The following PPARGC1A variants were observed in gnomAD, a reference collection of about 807,000 sequenced individuals.
PPARGC1A encodes peroxisome proliferator-activated receptor gamma coactivator 1-alpha.
Under a neutral mutation model 88.7 loss-of-function variants are expected in PPARGC1A, and 25 were observed. The ratio of observed to expected loss-of-function variants is 0.28; its 90% CI spans 0.21 to 0.39. The LOEUF is 0.39. PPARGC1A is among the 10% of genes least tolerant of loss of function. The pLI is 1.00. For synonymous variants in PPARGC1A, 363 were observed against 355.6 expected (o/e 1.02, Z -0.24); for missense variants, 880 against 968.7 (o/e 0.91, Z 1.22).
chr4:23,996,884 C>G, the PPARGC1A span, among the ~76,000 whole-genome samples: 1 of 152,178 alleles, frequency 6.6e-6, no homozygotes, highest in African/African-American at 2.4e-5. Context: ...TTTGCCAACA[C>G]CCAGTCTAGG....
chr4:23,912,007 A>G, the PPARGC1A span, among the ~76,000 whole-genome samples: 1 of 152,204 alleles, frequency 6.6e-6, no homozygotes, highest in African/African-American at 2.4e-5. Context: ...TAATTGCAAA[A>G]TGGAAAGCTT....
chr4:24,138,118 A>C, the PPARGC1A span, among the ~76,000 whole-genome samples: 1 of 152,190 alleles, frequency 6.6e-6, no homozygotes, highest in African/African-American at 2.4e-5. Context: ...CTGTGTGCTC[A>C]CCAGATTAAA....
intron 10 of PPARGC1A, among the ~76,000 whole-genome samples, chr4:23,808,417 G>C (rs548320211): frequency 1.3e-5 from 2 of 152,158 alleles, no homozygotes; most frequent in South Asian, 4.2e-4. Context: ...TCTAGTTTTG[G>C]TTTTGAGTGC....
At chr4:24,187,881 C>A in the PPARGC1A span, among the ~76,000 whole-genome samples, 1 of 152,008 alleles carries the variant, frequency 6.6e-6, no homozygotes, top group Non-Finnish European at 1.5e-5. Flanking sequence ...GTCCCTTGAA[C>A]GAGAATAACA....
At chr4:24,238,745 A>ATGTGTATG in the PPARGC1A span, among the ~76,000 whole-genome samples, 3 of 121,808 alleles carry the variant, frequency 2.5e-5, no homozygotes, top group Non-Finnish European at 5.4e-5. Flanking sequence ...AAGGTTGTAT[A>ATGTGTATG]TGTGTGTGTG....
chr4:23,868,819 C>T (rs749877781), intron 2 of PPARGC1A, among the ~76,000 whole-genome samples: 6 of 152,170 alleles, frequency 3.9e-5, no homozygotes, highest in African/African-American at 1.2e-4. Flanking sequence ...GTGACAATAC[C>T]GTTTATGGAA....
the PPARGC1A span, among the ~76,000 whole-genome samples, chr4:24,206,004 A>G: frequency 2.0e-5 from 3 of 152,222 alleles, no homozygotes; most frequent in Admixed American, 6.5e-5. Flanking sequence ...GATCCTTTTC[A>G]TGGCTGAAGG....
the PPARGC1A span, among the ~76,000 whole-genome samples, chr4:24,042,226 A>T: frequency 6.6e-6 from 1 of 152,318 alleles, no homozygotes; most frequent in Non-Finnish European, 1.5e-5. Flanking sequence ...GCCAATATGT[A>T]TTCAGCTGTT....
intron 2 of PPARGC1A, among the ~76,000 whole-genome samples, chr4:23,866,512 G>A (rs1208811019): frequency 1.3e-5 from 2 of 152,162 alleles, no homozygotes; most frequent in African/African-American, 4.8e-5. Flanking sequence ...ACACAAGATA[G>A]GCCGAACATT....
chr4:23,908,776 T>C (rs1339821166), upstream of PPARGC1A, among the ~76,000 whole-genome samples: 2 of 152,188 alleles, frequency 1.3e-5, no homozygotes, highest in South Asian at 4.1e-4. Flanking sequence ...GTCCAATAAC[T>C]ACCTTAGCTC....
chr4:23,912,368 T>A, the PPARGC1A span, among the ~76,000 whole-genome samples: 3 of 152,142 alleles, frequency 2.0e-5, no homozygotes, highest in African/African-American at 7.2e-5. Flanking sequence ...ACCATGCCTA[T>A]ATCTTAGGGT....
At chr4:23,937,959 A>AC in the PPARGC1A span, among the ~76,000 whole-genome samples, 1 of 152,266 alleles carries the variant, frequency 6.6e-6, no homozygotes, top group African/African-American at 2.4e-5. Context: ...TCTCAATAGG[A>AC]CTTTGCAAAG....
chr4:24,163,748 C>A, the PPARGC1A span, among the ~76,000 whole-genome samples: 47 of 152,294 alleles, frequency 3.1e-4, no homozygotes, highest in African/African-American at 9.9e-4. Context: ...ACTTACAGAT[C>A]AAAGCTAAAT....
At chr4:24,263,492 A>G in the PPARGC1A span, among the ~76,000 whole-genome samples, 2 of 143,690 alleles carry the variant, frequency 1.4e-5, no homozygotes, top group Non-Finnish European at 3.0e-5. Flanking sequence ...CACAGAGTTG[A>G]CCCTTTAACA....
the PPARGC1A span, among the ~76,000 whole-genome samples, chr4:24,162,519 T>C: frequency 6.6e-6 from 1 of 151,944 alleles, no homozygotes; most frequent in Admixed American, 6.6e-5. Flanking sequence ...TTGGCTATAT[T>C]GAAGAATCTT....
chr4:24,391,884 G>A, the PPARGC1A span, among the ~76,000 whole-genome samples: 4 of 152,056 alleles, frequency 2.6e-5, no homozygotes, highest in African/African-American at 7.2e-5. Flanking sequence ...TGCTTTCAAT[G>A]AACTCCGAAA....
chr4:23,849,068 C>T (rs560037916), intron 2 of PPARGC1A, among the ~76,000 whole-genome samples: 1 of 152,040 alleles, frequency 6.6e-6, no homozygotes, highest in Non-Finnish European at 1.5e-5. Flanking sequence ...GGCATGAACC[C>T]GGGAGGCAGA....
the PPARGC1A span, among the ~76,000 whole-genome samples, chr4:24,462,635 G>A: frequency 6.6e-6 from 1 of 151,716 alleles, no homozygotes; most frequent in African/African-American, 2.4e-5. Flanking sequence ...ATTTGATGAT[G>A]AAATGAGTGA....
the PPARGC1A span, among the ~76,000 whole-genome samples, chr4:23,935,943 G>A: frequency 6.6e-6 from 1 of 151,694 alleles, no homozygotes; most frequent in Non-Finnish European, 1.5e-5. Flanking sequence ...GCCTATACAT[G>A]TATTTTTTTC....
Sources: allele counts gnomAD v4.1 joint callset (sites outside exome capture counted in the v4.1 genomes callset), GRCh38; gene constraint gnomAD v4.1.1; transcripts MANE v1.5; gene names NCBI Gene and HGNC (gene_info 2026-07-23, HGNC 2026-07-21).